Variants in BLVRB observed in about 807,000 individuals in gnomAD.
BLVRB encodes flavin reductase (NADPH).
A neutral mutation model predicts 21.1 loss-of-function variants in BLVRB; 25 were observed. The observed-to-expected ratio is 1.19, with a 90% confidence interval of 0.86 to 1.66. The LOEUF (loss-of-function observed/expected upper bound fraction) is 1.66. BLVRB is among the 40% of genes most tolerant of loss of function. The probability of loss-of-function intolerance (pLI) is 0.00; values close to 1 mark genes in which losing one functional copy is unlikely to be tolerated. For synonymous variants in BLVRB, 128 were observed against 122.2 expected, an observed-to-expected ratio of 1.05 and a Z score of -0.31; for missense variants, 274 against 282.7, an observed-to-expected ratio of 0.97 and a Z score of 0.22.
chr19:40,451,639 TCTC>T, intron 3 of BLVRB, 147 bp from the exon 4 acceptor site: 4 of 1,159,050 alleles, frequency 3.5e-6, no homozygotes, highest in South Asian at 1.6e-5. Flanking sequence ...TTCAAGCAAT[TCTC>T]CTGCCTCAGC....
intron 3 of BLVRB, among the ~76,000 whole-genome samples, chr19:40,452,930 G>A (rs970965444): frequency 1.3e-5 from 2 of 151,348 alleles, no homozygotes. Flanking sequence ...GTGTCGTGGT[G>A]CATGCCTGTA....
intron 1 of BLVRB, among the ~76,000 whole-genome samples, chr19:40,461,449 T>C (rs1378485569): frequency 6.6e-6 from 1 of 151,722 alleles, no homozygotes; most frequent in Non-Finnish European, 1.5e-5. Flanking sequence ...GGATCTGGCT[T>C]CTCCTCTCCA....
At chr19:40,464,192 C>T (rs927118327) in intron 1 of BLVRB, among the ~76,000 whole-genome samples, 1 of 152,080 alleles carries the variant, frequency 6.6e-6, no homozygotes, top group African/African-American at 2.4e-5. Context: ...CTCAAGCAAT[C>T]CTCCCACCTG....
intron 4 of BLVRB, among the ~76,000 whole-genome samples, chr19:40,448,903 A>G (rs975952857): frequency 4.6e-5 from 7 of 152,010 alleles, no homozygotes; most frequent in Admixed American, 3.3e-4. Context: ...ACCAGCCAAC[A>G]TGGCAAAACC....
intron 3 of BLVRB, among the ~76,000 whole-genome samples, chr19:40,455,667 C>T (rs941738183): frequency 7.2e-5 from 11 of 152,106 alleles, no homozygotes; most frequent in East Asian, 1.9e-4. Context: ...CACTGTATTC[C>T]GGCCTGGGTG....
Position 40,448,023 on chromosome 19 carries a change from A to T in BLVRB, c.487T>A (p.Tyr163Asn). The stretch of plus-strand genomic sequence containing the variant: ...CCTCGTCCATCCAGGGTCACTGTGT[A>T]CGCCCCAGTTAGTGGCTGGTCTCCT... Reference protein sequence around the residue: ...HIGDQPLTGAYTVTLDGRGPS... With the variant: ...HIGDQPLTGANTVTLDGRGPS... The change falls in exon 5 of 5, where the codon TAC becomes AAC. Residue 163 changes from tyrosine to asparagine, a missense_variant. Tyr to Asn is a moderately radical substitution (Grantham distance 143, BLOSUM62 -2). Transcript: ENST00000263368. 1 of 1,613,644 alleles carries T rather than the reference A, an allele frequency of 6.2e-7. No homozygotes were observed. Among genetic ancestry groups the T allele is most frequent in the Non-Finnish European group, 8.5e-7 (1 of 1,179,690 alleles).
intron 3 of BLVRB, 120 bp downstream of exon 3, chr19:40,458,035 G>T: frequency 1.0e-6 from 1 of 981,446 alleles, no homozygotes; most frequent in Non-Finnish European, 1.6e-6. Flanking sequence ...CAGGCACACA[G>T]CTGGTGTTCA....
In BLVRB at chr19:40,458,485, G is replaced by T; in HGVS notation, c.140C>A (p.Pro47Gln). Residue 47 changes from proline (P) to glutamine (Q), a missense_variant, in exon 2 of 5, where the codon CCG (proline) becomes CAG (glutamine). Physicochemically the swap from Pro to Gln is moderately conservative, Grantham distance 76. Transcript: ENST00000263368. The stretch of plus-strand genomic sequence containing the variant: ...AACATCTCCCACTACCACGTGGGCC[G>T]GCCGGGGCCCCTCTGATGGCAGCCT... The part of the protein sequence containing the change: ...SSRLPSEGPR[P>Q]AHVVVGDVLQ... The T allele has an allele frequency of 6.2e-7, 1 of 1,610,144 alleles. No individual in the cohort carries two copies. Among genetic ancestry groups the T allele is most frequent in the Non-Finnish European group, 8.5e-7 (1 of 1,178,704 alleles).
intron 3 of BLVRB, among the ~76,000 whole-genome samples, chr19:40,456,747 C>T (rs1471001237): frequency 6.6e-6 from 1 of 151,964 alleles, no homozygotes; most frequent in African/African-American, 2.4e-5. Flanking sequence ...ATTAGCAGGG[C>T]ATGGTGGCAG....
chr19:40,464,177 C>T (rs1207887275), intron 1 of BLVRB, among the ~76,000 whole-genome samples: 1 of 152,194 alleles, frequency 6.6e-6, no homozygotes, highest in African/African-American at 2.4e-5. Flanking sequence ...CCTTGAACTC[C>T]TGAGCTCAAG....
At chr19:40,465,536 C>T in intron 1 of BLVRB, 74 bp downstream of exon 1, 1 of 1,536,438 alleles carries the variant, frequency 6.5e-7, no homozygotes, top group East Asian at 2.4e-5. Flanking sequence ...CAGCCTCGGC[C>T]CGACCCCATG....
Position 40,451,451 on chromosome 19 carries a change from G to C in BLVRB, c.376C>G (p.Gln126Glu). 1.9e-6 allele frequency: 3 copies of C among 1,613,334 alleles called. No individual in the cohort carries two copies. Among genetic ancestry groups the C allele is most frequent in the Non-Finnish European group, 2.5e-6 (3 of 1,179,726 alleles). Reference sequence around the variant, plus strand: ...CGGATGTGGTCATCAGTCACAGCCTGCAGTCGTGGGGGCACCTTGGTAGGG... The same window carrying C: ...CGGATGTGGTCATCAGTCACAGCCTCCAGTCGTGGGGGCACCTTGGTAGGG... ...WDPTKVPPRL[Q>E]AVTDDHIRMH... The change falls in exon 4 of 5, where the codon CAG (glutamine) becomes GAG (glutamate). Residue 126 changes from glutamine (Q) to glutamate (E), a missense_variant. Transcript: ENST00000263368.
intron 4 of BLVRB, among the ~76,000 whole-genome samples, chr19:40,448,834 G>A (rs944153177): frequency 1.3e-5 from 2 of 151,896 alleles, no homozygotes; most frequent in South Asian, 2.1e-4. Context: ...GCTCACGCCT[G>A]TAATCTCAGC....
At chr19:40,465,439 C>T (rs2079808122) in intron 1 of BLVRB, among the ~76,000 whole-genome samples, 171 bp downstream of exon 1, 1 of 152,238 alleles carries the variant, frequency 6.6e-6, no homozygotes, top group Admixed American at 6.5e-5. Flanking sequence ...ACTTGGATCT[C>T]ACATCTTTCC....
intron 1 of BLVRB, among the ~76,000 whole-genome samples, chr19:40,459,005 T>A (rs919726073): frequency 6.6e-6 from 1 of 151,756 alleles, no homozygotes; most frequent in Non-Finnish European, 1.5e-5. Context: ...TACCTACAGT[T>A]GATGCTTAGT....
At position 40,458,522 on chromosome 19, in the gene BLVRB, G is replaced by A. The variant is rs753721054; in HGVS notation, c.103C>T (p.Arg35Trp). ...QAGYEVTVLVRDSSRLPSEGP... is the reference protein window; with the variant it reads ...QAGYEVTVLVWDSSRLPSEGP... Reference sequence around the variant, plus strand: ...TCTGATGGCAGCCTGGAGGAGTCCCGCACCAGCACTGTCACTTCGTAACCT... The same window carrying A: ...TCTGATGGCAGCCTGGAGGAGTCCCACACCAGCACTGTCACTTCGTAACCT... Residue 35 changes from arginine (R) to tryptophan (W), a missense_variant, in exon 2 of 5, where the codon CGG becomes TGG. By Grantham distance (101) the Arg-to-Trp change is moderately radical. Transcript: ENST00000263368. The A allele has an allele frequency of 6.0e-5, 97 of 1,610,142 alleles. No individual in the cohort carries two copies. Among genetic ancestry groups the A allele is most frequent in the East Asian group, 5.8e-4 (26 of 44,820 alleles).
Position 40,453,192 on chromosome 19 carries a change from T to C in BLVRB, c.335-1700A>G, listed in dbSNP as rs113949977. Among the ~76,000 whole-genome samples the C allele has an allele frequency of 1.3e-3, 203 of 152,336 alleles. 4 individuals carry two copies. The highest frequency in any genetic ancestry group is 4.6e-3 in the African/African-American group (191 of 41,580). ...TCCTAAAATGCTGCGATTACAGGTG[T>C]GACCCAGGACCCTTTGCCATTTCCC... On this transcript the variant is annotated intron_variant, in intron 3 of 4. Transcript: ENST00000263368.
Position 40,463,197 on chromosome 19 carries a change from A to G in BLVRB, c.79+2413T>C, listed in dbSNP as rs540766970. On this transcript the variant is annotated intron_variant, in intron 1 of 4. Transcript: ENST00000263368. Reference sequence around the variant, plus strand: ...GGGGAAACTGAGGCAATTTTAGGCAACCGGGCCAGGATCACACAGCTAGTA... The same window carrying G: ...GGGGAAACTGAGGCAATTTTAGGCAGCCGGGCCAGGATCACACAGCTAGTA... Among the ~76,000 whole-genome samples the G allele has an allele frequency of 2.7e-5, 4 of 146,554 alleles. No individual in the cohort carries two copies. The South Asian group carries it at 6.6e-4, about 24-fold the overall frequency.
chr19:40,452,551 G>GC (rs2079744471), intron 3 of BLVRB, among the ~76,000 whole-genome samples: 1 of 151,664 alleles, frequency 6.6e-6, no homozygotes, highest in South Asian at 2.1e-4. Context: ...CATGATACCG[G>GC]CCAAGCCTGG....
Sources: gnomAD v4.1 joint callset for allele counts (sites outside exome capture counted in the v4.1 genomes callset) on GRCh38, gnomAD v4.1.1 for gene constraint, MANE v1.5 for transcripts, NCBI Gene and HGNC (gene_info 2026-07-23, HGNC 2026-07-21) for gene names.